Variants in SLC35F1 observed in about 807,000 individuals in gnomAD.
The protein encoded by SLC35F1 is chromosome 6 open reading frame 169.
A neutral mutation model predicts 48.7 loss-of-function variants in SLC35F1; 14 were observed. The ratio of observed to expected loss-of-function variants is 0.29; its 90% CI spans 0.19 to 0.45. The LOEUF is 0.45. Ranked by LOEUF, SLC35F1 falls within the 20% of genes least tolerant of loss-of-function variation. The probability of loss-of-function intolerance (pLI) is 1.00; values close to 1 mark genes in which losing one functional copy is unlikely to be tolerated. For synonymous variants in SLC35F1, 190 were observed against 202.2 expected, an observed-to-expected ratio of 0.94 and a Z score of 0.51; for missense variants, 404 against 500.0, an observed-to-expected ratio of 0.81 and a Z score of 1.83.
At chr6:118,101,274 G>T (rs370855143) in intron 1 of SLC35F1, among the ~76,000 whole-genome samples, 1 of 152,136 alleles carries the variant, frequency 6.6e-6, no homozygotes, top group South Asian at 2.1e-4. Flanking sequence ...GGTGAAAACC[G>T]CCCTAAAGTA....
intron 1 of SLC35F1, among the ~76,000 whole-genome samples, chr6:117,934,690 TATAA>T (rs1172854050): frequency 6.6e-6 from 1 of 152,238 alleles, no homozygotes; most frequent in Admixed American, 6.5e-5. Flanking sequence ...AATGGTTTCA[TATAA>T]ATAAACTCTT....
At chr6:118,170,425 A>G (rs79206191) in intron 2 of SLC35F1, among the ~76,000 whole-genome samples, 6,135 of 152,206 alleles carry the variant, frequency 0.04, 351 homozygotes, top group African/African-American at 0.13. Flanking sequence ...TTGAGGTGAT[A>G]ACATTATAAC....
chr6:118,187,251 T>C (rs141417798), intron 2 of SLC35F1, among the ~76,000 whole-genome samples: 225 of 152,330 alleles, frequency 1.5e-3, no homozygotes, highest in Middle Eastern at 0.01. Flanking sequence ...CTCTGTCAAA[T>C]GGAGCACTCA....
intron 1 of SLC35F1, among the ~76,000 whole-genome samples, chr6:117,955,675 C>G (rs1776419027): frequency 6.6e-6 from 1 of 152,180 alleles, no homozygotes; most frequent in Non-Finnish European, 1.5e-5. Flanking sequence ...TAATCAGGAA[C>G]TGGAAAGGGT....
At chr6:118,135,913 G>A (rs1773787388) in intron 1 of SLC35F1, among the ~76,000 whole-genome samples, 1 of 152,182 alleles carries the variant, frequency 6.6e-6, no homozygotes, top group Admixed American at 6.5e-5. Context: ...AGGCCCAGCA[G>A]CCTGGTATTC....
At chr6:118,026,371 G>A (rs1181404800) in intron 1 of SLC35F1, among the ~76,000 whole-genome samples, 1 of 152,150 alleles carries the variant, frequency 6.6e-6, no homozygotes, top group Admixed American at 6.5e-5. Flanking sequence ...TTTTCTTTTT[G>A]TGTGAATTTA....
intron 2 of SLC35F1, among the ~76,000 whole-genome samples, chr6:118,172,485 T>C (rs1008276865): frequency 6.6e-6 from 1 of 152,050 alleles, no homozygotes; most frequent in African/African-American, 2.4e-5. Flanking sequence ...AAATAATGAA[T>C]GTTATATAGA....
Position 118,149,054 on chromosome 6 carries a change from T to C in SLC35F1, c.174-5391T>C, listed in dbSNP as rs548607586. Among the ~76,000 whole-genome samples, 7 of 152,328 alleles carry C rather than the reference T, an allele frequency of 4.6e-5. No individual in the cohort carries two copies. In the South Asian group the frequency reaches 1.0e-3, roughly 23 times the overall value. On this transcript the variant is annotated intron_variant, in intron 1 of 7. Coordinates refer to ENST00000360388, the MANE Select transcript of SLC35F1 (RefSeq NM_001029858.4). Reference sequence around the variant, plus strand: ...TTATTGAGCATCTGTTTTCTTTCTGTCCAGCAGTCCTCAAGGCACTAGAAA... The same window carrying C: ...TTATTGAGCATCTGTTTTCTTTCTGCCCAGCAGTCCTCAAGGCACTAGAAA...
intron 1 of SLC35F1, among the ~76,000 whole-genome samples, chr6:118,124,973 C>G (rs748135622): frequency 6.6e-6 from 1 of 152,122 alleles, no homozygotes; most frequent in African/African-American, 2.4e-5. Flanking sequence ...AACTCAATCA[C>G]CCAGGAGCCA....
intron 1 of SLC35F1, among the ~76,000 whole-genome samples, chr6:118,071,561 C>T (rs1335609481): frequency 6.6e-6 from 1 of 152,038 alleles, no homozygotes; most frequent in Non-Finnish European, 1.5e-5. Context: ...ACTCTTTTAT[C>T]TTTCTTTTCC....
intron 1 of SLC35F1, among the ~76,000 whole-genome samples, chr6:118,059,943 C>G (rs577783653): frequency 1.3e-5 from 2 of 152,222 alleles, no homozygotes; most frequent in African/African-American, 4.8e-5. Context: ...TTATAAAATA[C>G]GCTTTAGGGC....
chr6:118,118,586 T>A (rs985895312), intron 1 of SLC35F1, among the ~76,000 whole-genome samples: 1 of 152,252 alleles, frequency 6.6e-6, no homozygotes, highest in Admixed American at 6.5e-5. Flanking sequence ...ACATGCTTCA[T>A]GCCCATTTGT....
intron 1 of SLC35F1, among the ~76,000 whole-genome samples, chr6:117,987,979 T>C (rs1218110857): frequency 6.6e-6 from 1 of 152,120 alleles, no homozygotes; most frequent in Non-Finnish European, 1.5e-5. Flanking sequence ...CCAACAGCGG[T>C]GGGCCATTCA....
intron 1 of SLC35F1, among the ~76,000 whole-genome samples, chr6:118,037,751 C>G (rs1018393847): frequency 6.6e-6 from 1 of 151,508 alleles, no homozygotes; most frequent in Non-Finnish European, 1.5e-5. Flanking sequence ...CCATCATTCT[C>G]AGCAAACTAA....
intron 1 of SLC35F1, among the ~76,000 whole-genome samples, chr6:117,908,920 G>A (rs1775730287): frequency 6.6e-6 from 1 of 152,174 alleles, no homozygotes. Flanking sequence ...GATTCCCAAC[G>A]AATTCACACG....
intron 2 of SLC35F1, among the ~76,000 whole-genome samples, chr6:118,178,780 A>G (rs1357108150): frequency 6.6e-6 from 1 of 152,108 alleles, no homozygotes; most frequent in African/African-American, 2.4e-5. Flanking sequence ...TTTGTGCACT[A>G]AAAACCCAGG....
chr6:118,285,676 A>G (rs1776040603), intron 7 of SLC35F1, among the ~76,000 whole-genome samples: 1 of 152,218 alleles, frequency 6.6e-6, no homozygotes, highest in South Asian at 2.1e-4. Flanking sequence ...CAATTCCCAG[A>G]CTACAGCTGC....
At chr6:118,285,498 T>C (rs1207888918) in intron 7 of SLC35F1, among the ~76,000 whole-genome samples, 160 bp downstream of exon 7, 3 of 152,210 alleles carry the variant, frequency 2.0e-5, no homozygotes, top group African/African-American at 7.2e-5. Flanking sequence ...ATTTCAGCTA[T>C]AAGACAGAGA....
rs550170496 is a variant in SLC35F1 at position 118,282,924 on chromosome 6, C to G, written c.848-2260C>G. Among the ~76,000 whole-genome samples the G allele has an allele frequency of 6.6e-5, 10 of 152,328 alleles. 1 individual carries two copies. The South Asian group carries it at 1.9e-3, about 28-fold the overall frequency. Reference sequence around the variant, plus strand: ...ACTGGTCTCTGTAACTGGTCCCATGCTTTTCTCCTTCCAATCCCTTCTCCA... The same window carrying G: ...ACTGGTCTCTGTAACTGGTCCCATGGTTTTCTCCTTCCAATCCCTTCTCCA... On this transcript the variant is annotated intron_variant, in intron 6 of 7. Transcript: ENST00000360388.
Sources: gnomAD v4.1 joint callset for allele counts (sites outside exome capture counted in the v4.1 genomes callset) on GRCh38, gnomAD v4.1.1 for gene constraint, MANE v1.5 for transcripts, NCBI Gene and HGNC (gene_info 2026-07-23, HGNC 2026-07-21) for gene names.